Variants in CHEK1 observed in about 807,000 individuals in gnomAD.
CHEK1 encodes checkpoint kinase 1.
A neutral mutation model predicts 60.2 loss-of-function variants in CHEK1; 32 were observed. The observed-to-expected ratio is 0.53, with a 90% confidence interval of 0.40 to 0.71. The LOEUF (loss-of-function observed/expected upper bound fraction) is 0.71. Among genes scored for constraint, CHEK1 ranks in the 30% least tolerant of loss-of-function variants. CHEK1 has a pLI of 0.00. For synonymous variants in CHEK1, 179 were observed against 187.2 expected (o/e 0.96, Z 0.36); for missense variants, 399 against 564.6 (o/e 0.71, Z 2.97).
chr11:125,642,686 G>A (rs1941352419), intron 8 of CHEK1, among the ~76,000 whole-genome samples: 1 of 152,148 alleles, frequency 6.6e-6, no homozygotes, highest in African/African-American at 2.4e-5. Flanking sequence ...GAGGTAGAAG[G>A]GTATGGGCTC....
chr11:125,637,324 C>CTT (rs3731420), intron 7 of CHEK1, 125 bp from the exon 8 acceptor site: 72,906 of 627,316 alleles, frequency 0.12, 5,052 homozygotes, highest in Admixed American at 0.24. Flanking sequence ...AGCTTTAATT[C>CTT]TTTCTCTTCC....
At chr11:125,665,770 T>C (rs1244691859) in intron 13 of CHEK1, among the ~76,000 whole-genome samples, 1 of 151,864 alleles carries the variant, frequency 6.6e-6, no homozygotes, top group African/African-American at 2.4e-5. Flanking sequence ...TGGCATATAG[T>C]GTTCATGATA....
At position 125,655,336 on chromosome 11, in the gene CHEK1, T is replaced by C; in HGVS notation, c.*16T>C. 1 of 1,541,748 alleles carries C rather than the reference T, an allele frequency of 6.5e-7. No homozygotes were observed. Among genetic ancestry groups the C allele is most frequent in the Middle Eastern group, 1.7e-4 (1 of 5,930 alleles). Reference sequence around the variant, plus strand: ...TGCCACATGATCGGACCATCGGCTCTGGGGAATCCTGGTGAATATAGTGCT... The same window carrying C: ...TGCCACATGATCGGACCATCGGCTCCGGGGAATCCTGGTGAATATAGTGCT... On this transcript the variant is annotated 3_prime_UTR_variant, in exon 13 of 13. Coordinates refer to ENST00000438015, the MANE Select transcript of CHEK1 (RefSeq NM_001114122.3).
chr11:125,679,301 T>C (rs1269230635), downstream of CHEK1, among the ~76,000 whole-genome samples: 1 of 147,182 alleles, frequency 6.8e-6, no homozygotes, highest in African/African-American at 2.5e-5. Flanking sequence ...CACTGCAACC[T>C]CCGCCTCCCG....
At chr11:125,642,608 C>T (rs1027034690) in intron 8 of CHEK1, among the ~76,000 whole-genome samples, 1 of 151,930 alleles carries the variant, frequency 6.6e-6, no homozygotes, top group African/African-American at 2.4e-5. Flanking sequence ...GGTACGGATC[C>T]TGTAGAGAGG....
chr11:125,638,438 G>A (rs754094599), intron 8 of CHEK1, among the ~76,000 whole-genome samples: 7 of 152,098 alleles, frequency 4.6e-5, no homozygotes, highest in Non-Finnish European at 8.8e-5. Flanking sequence ...AGAGGACAAT[G>A]ACTAGAGATG....
Position 125,655,268 on chromosome 11 carries a change from G to A in CHEK1, c.1379G>A (p.Gly460Glu), listed in dbSNP as rs2136066323. ...EFKRHFLKIK[G>E]KLIDIVSSQK... ...AAGAGACACTTCCTGAAGATTAAAG[G>A]GAAGCTGATTGATATTGTGAGCAGC... The change falls in exon 13 of 13, where the codon GGG becomes GAG. Residue 460 changes from glycine to glutamate, a missense_variant. By Grantham distance (98) the Gly-to-Glu change is moderately conservative (BLOSUM62 -2). Around this residue, in one of 2 missense-constraint regions of CHEK1, gnomAD observed 29 missense variants for 69.8 expected, o/e 0.42. Coordinates refer to ENST00000438015, the MANE Select transcript of CHEK1 (RefSeq NM_001114122.3). 6.2e-7 allele frequency: 1 copy of A among 1,613,740 alleles called. No individual in the cohort carries two copies. The highest frequency in any genetic ancestry group is 8.5e-7 in the Non-Finnish European group (1 of 1,179,718).
chr11:125,635,543 T>C lies in CHEK1; in HGVS notation c.718+10T>C. The C allele has an allele frequency of 1.3e-6, 2 of 1,527,760 alleles. No individual in the cohort carries two copies. Among genetic ancestry groups the C allele is most frequent in the Non-Finnish European group, 1.8e-6 (2 of 1,120,390 alleles). 94.6% of individuals were successfully genotyped at this position (1,527,760 alleles called of 1,614,324 possible). A position where few individuals can be genotyped will look rare whatever the true frequency, so the allele number is the denominator to read the frequency against. ...GATTCTGCTCCTCTAGGTAACTGAATTATCTTGAGTGAAAGAGTACCGATT... is the reference window on the plus strand; with the variant it reads ...GATTCTGCTCCTCTAGGTAACTGAACTATCTTGAGTGAAAGAGTACCGATT... On this transcript the variant is annotated intron_variant, in intron 7 of 12. Coordinates refer to ENST00000438015, the MANE Select transcript of CHEK1 (RefSeq NM_001114122.3).
intron 13 of CHEK1, among the ~76,000 whole-genome samples, chr11:125,675,483 A>G (rs1591436812): frequency 6.6e-6 from 1 of 152,198 alleles, no homozygotes; most frequent in Non-Finnish European, 1.5e-5. Flanking sequence ...AAATAGGAAA[A>G]TGACATTTCT....
At chr11:125,658,263 C>G (rs1476171537), downstream of CHEK1, among the ~76,000 whole-genome samples, 1 of 152,036 alleles carries the variant, frequency 6.6e-6, no homozygotes, top group Admixed American at 6.6e-5. Context: ...GAGACAGGGT[C>G]TCACCATGTT....
chr11:125,655,361 T>G lies in CHEK1; in HGVS notation c.*41T>G. The stretch of plus-strand genomic sequence containing the variant: ...TGGGGAATCCTGGTGAATATAGTGC[T>G]GCTATGTTGACATTATTCTTCCTAG... On this transcript the variant is annotated 3_prime_UTR_variant, in exon 13 of 13. Transcript: ENST00000438015. The G allele has an allele frequency of 7.4e-7, 1 of 1,358,846 alleles. No homozygotes were observed. The highest frequency in any genetic ancestry group is 1.0e-6 in the Non-Finnish European group (1 of 953,778). The allele number at this position is 1,358,846 out of a possible 1,614,324, so 84.2% of individuals were successfully genotyped here.
Position 125,625,453 on chromosome 11 carries a change from C to T in CHEK1, c.-580C>T, listed in dbSNP as rs1940542832. On this transcript the variant is annotated 5_prime_UTR_variant, in exon 1 of 13. Transcript: ENST00000438015. The stretch of plus-strand genomic sequence containing the variant: ...CCATTTCTTCACAGTCGGCTCTCAG[C>T]AGCTGCTGCTGGTTTCTCGGCTCCA... The T allele has an allele frequency of 1.8e-5, 6 of 339,626 alleles. No individual in the cohort carries two copies. In the East Asian group the frequency reaches 2.6e-4, roughly 15 times the overall value. The allele number at this position is 339,626 out of a possible 1,614,324, so 21.0% of individuals were successfully genotyped here. A position where few individuals can be genotyped will look rare whatever the true frequency, so the allele number is the denominator to read the frequency against.
chr11:125,675,703 A>C lies in CHEK1; in HGVS notation c.*28-225A>C, dbSNP rs548321627. Among the ~76,000 whole-genome samples, 12 of 152,290 alleles carry C rather than the reference A, an allele frequency of 7.9e-5. No homozygotes were observed. The East Asian group carries it at 1.5e-3, about 20-fold the overall frequency. ...ATTCAATATTTACTAAATGCCTACC[A>C]TATGCTTGACATTGTGCTAGGTCCC... On this transcript the variant is annotated intron_variant, in intron 13 of 13. Transcript: ENST00000428830.
At chr11:125,660,049 CGTGTGCGTGT>C (rs1941983983), downstream of CHEK1, among the ~76,000 whole-genome samples, 1 of 152,038 alleles carries the variant, frequency 6.6e-6, no homozygotes, top group African/African-American at 2.4e-5. Context: ...GAATAATTTT[CGTGTGCGTGT>C]GTGTGTGTAT....
At chr11:125,677,012 T>A (rs1467965709), downstream of CHEK1, among the ~76,000 whole-genome samples, 1 of 152,220 alleles carries the variant, frequency 6.6e-6, no homozygotes, top group Non-Finnish European at 1.5e-5. Context: ...TGTTGCCTCT[T>A]TTACTGTCTC....
intron 11 of CHEK1, among the ~76,000 whole-genome samples, chr11:125,651,119 C>T (rs1194159544): frequency 6.6e-6 from 1 of 152,066 alleles, no homozygotes; most frequent in Admixed American, 6.6e-5. Context: ...CACTCCCTAA[C>T]CTCTTCTTCC....
intron 3 of CHEK1, among the ~76,000 whole-genome samples, chr11:125,628,208 T>C (rs1940702835): frequency 6.6e-6 from 1 of 152,230 alleles, no homozygotes; most frequent in African/African-American, 2.4e-5. Flanking sequence ...TTTATACATT[T>C]ACAGATCTAA....
Position 125,655,536 on chromosome 11 carries a change from G to T in CHEK1, c.*216G>T, listed in dbSNP as rs1941880362. 2.6e-6 allele frequency: 1 copy of T among 378,492 alleles called. No individual in the cohort carries two copies. The highest frequency in any genetic ancestry group is 2.1e-5 in the African/African-American group (1 of 48,168). The allele number at this position is 378,492 out of a possible 1,614,324, so 23.4% of individuals were successfully genotyped here. On this transcript the variant is annotated 3_prime_UTR_variant, in exon 13 of 13. Transcript: ENST00000438015. ...GTAAGCAAAACTTTGGGGAAAGGAT[G>T]AATAGAATTCATTTGATTATTTCTT...
chr11:125,629,379 C>G lies in CHEK1; in HGVS notation c.355-12C>G. On this transcript the variant is annotated splice_polypyrimidine_tract_variant and intron_variant, in intron 4 of 12. Transcript: ENST00000438015. ...CCAAATTCTAGTGTGTTTCTCTCTG[C>G]ATCCCTCTTAGGTTTATCTGCATGG... 6.2e-7 allele frequency: 1 copy of G among 1,613,252 alleles called. No individual in the cohort carries two copies. The highest frequency in any genetic ancestry group is 8.5e-7 in the Non-Finnish European group (1 of 1,179,292).
Sources: allele counts gnomAD v4.1 joint callset (sites outside exome capture counted in the v4.1 genomes callset), GRCh38; gene constraint gnomAD v4.1.1; regional missense constraint gnomAD v4.1.1; transcripts MANE v1.5; gene names NCBI Gene and HGNC (gene_info 2026-07-23, HGNC 2026-07-21).